The following WDR49 variants were observed in gnomAD, a reference collection of about 807,000 sequenced individuals.
WDR49 encodes the protein WD repeat domain 49.
A neutral mutation model predicts 119.5 loss-of-function variants in WDR49; 107 were observed. That is an observed-to-expected ratio of 0.90 (90% CI 0.77 to 1.05). WDR49 has a LOEUF of 1.05. WDR49 is among the 50% of genes least tolerant of loss of function. The probability of loss-of-function intolerance (pLI) is 0.00; values close to 1 mark genes in which losing one functional copy is unlikely to be tolerated. For missense variants in WDR49, 1,240 were observed against 1,220.5 expected (o/e 1.02, Z -0.24); for synonymous variants, 425 against 418.8 (o/e 1.01, Z -0.18).
chr3:167,569,693 A>G (rs957255355), intron 8 of WDR49, among the ~76,000 whole-genome samples: 1 of 151,990 alleles, frequency 6.6e-6, no homozygotes, highest in African/African-American at 2.4e-5. Context: ...AAAAAAAAAA[A>G]AAAATCAGAT....
At chr3:167,536,107 C>T (rs1560273961) in intron 11 of WDR49, among the ~76,000 whole-genome samples, 1 of 151,902 alleles carries the variant, frequency 6.6e-6, no homozygotes, top group Non-Finnish European at 1.5e-5. Context: ...AGAGATTGGT[C>T]AATGGGTAAA....
At chr3:167,511,041 A>G (rs550362214) in intron 16 of WDR49, among the ~76,000 whole-genome samples, 11 of 152,302 alleles carry the variant, frequency 7.2e-5, no homozygotes, top group African/African-American at 2.4e-4. Flanking sequence ...TTTCTTAAAA[A>G]TAAAATGATT....
At chr3:167,577,553 G>T (rs942842298) in intron 7 of WDR49, among the ~76,000 whole-genome samples, 1 of 151,780 alleles carries the variant, frequency 6.6e-6, no homozygotes, top group African/African-American at 2.4e-5. Flanking sequence ...TTTTAATGTA[G>T]TGTCTACCTC....
chr3:167,543,362 C>T (rs1272425038), intron 10 of WDR49, among the ~76,000 whole-genome samples: 1 of 151,838 alleles, frequency 6.6e-6, no homozygotes, highest in Non-Finnish European at 1.5e-5. Context: ...GACCAATGAC[C>T]CTGTTGAACA....
At chr3:167,641,946 A>G (rs1717903106) in intron 2 of WDR49, among the ~76,000 whole-genome samples, 1 of 150,814 alleles carries the variant, frequency 6.6e-6, no homozygotes, top group Admixed American at 6.6e-5. Context: ...TAAAAAAAAT[A>G]CACATAGACA....
intron 3 of WDR49, among the ~76,000 whole-genome samples, chr3:167,624,152 G>T (rs905319075): frequency 2.0e-5 from 3 of 151,924 alleles, no homozygotes; most frequent in Admixed American, 6.6e-5. Flanking sequence ...TTAGCTACTA[G>T]GTAAATATGA....
At chr3:167,656,257 G>A (rs756514410), upstream of WDR49, among the ~76,000 whole-genome samples, 1 of 152,178 alleles carries the variant, frequency 6.6e-6, no homozygotes, top group Non-Finnish European at 1.5e-5. Flanking sequence ...AATACTACAA[G>A]TTCCCCTAAG....
chr3:167,492,829 C>T (rs554489349), intron 18 of WDR49, among the ~76,000 whole-genome samples: 1 of 151,688 alleles, frequency 6.6e-6, no homozygotes, highest in South Asian at 2.1e-4. Flanking sequence ...CACCCCCACC[C>T]CAAAAGACAT....
intron 8 of WDR49, among the ~76,000 whole-genome samples, chr3:167,560,878 T>C (rs1205032529): frequency 2.0e-5 from 3 of 152,002 alleles, no homozygotes; most frequent in Non-Finnish European, 2.9e-5. Context: ...GAAAGGATTA[T>C]ACACAGCAGT....
At chr3:167,506,697 A>G (rs1262590696) in intron 16 of WDR49, among the ~76,000 whole-genome samples, 2 of 152,198 alleles carry the variant, frequency 1.3e-5, no homozygotes, top group East Asian at 1.9e-4. Context: ...GTACAGTACT[A>G]TTAACTGAAT....
At chr3:167,584,021 TA>T (rs1714685199) in intron 7 of WDR49, among the ~76,000 whole-genome samples, 1 of 152,120 alleles carries the variant, frequency 6.6e-6, no homozygotes, top group Non-Finnish European at 1.5e-5. Context: ...AGCAAGAATG[TA>T]AAATAATTAG....
chr3:167,638,607 A>G (rs1239065051), intron 2 of WDR49, among the ~76,000 whole-genome samples: 2 of 151,600 alleles, frequency 1.3e-5, no homozygotes, highest in Non-Finnish European at 3.0e-5. Flanking sequence ...TGCAAAACAG[A>G]TGCATCAGTT....
At chr3:167,583,568 G>A (rs1379418784) in intron 7 of WDR49, among the ~76,000 whole-genome samples, 1 of 152,050 alleles carries the variant, frequency 6.6e-6, no homozygotes, top group Non-Finnish European at 1.5e-5. Flanking sequence ...AATTTCTGTT[G>A]CCTTGCTGGG....
At chr3:167,558,711 C>T (rs139488964) in intron 9 of WDR49, among the ~76,000 whole-genome samples, 187 of 152,212 alleles carry the variant, frequency 1.2e-3, no homozygotes, top group Non-Finnish European at 2.4e-3. Context: ...TCCCCAGGTC[C>T]GACTAAGTCC....
chr3:167,575,524 A>G (rs984729155), intron 8 of WDR49, among the ~76,000 whole-genome samples: 4 of 152,220 alleles, frequency 2.6e-5, no homozygotes, highest in Admixed American at 6.5e-5. Flanking sequence ...GATCTCTGCT[A>G]ATTATGTTTC....
intron 9 of WDR49, among the ~76,000 whole-genome samples, chr3:167,555,117 A>T (rs1712847948): frequency 6.6e-6 from 1 of 152,156 alleles, no homozygotes; most frequent in Non-Finnish European, 1.5e-5. Context: ...CCAAGGCATA[A>T]TTAGAAGGTG....
rs139503318 is a variant in WDR49, at chr3:167,644,631, C to G, written c.165+8630G>C. ...TCCAGTTTGTAAGTGATATTACAAT[C>G]ATATTTTTGCATGTATTTTTTTCTG... On this transcript the variant is annotated intron_variant, in intron 2 of 18. Coordinates refer to ENST00000682715, the MANE Select transcript of WDR49 (RefSeq NM_001366157.1). Among the ~76,000 whole-genome samples, 348 of 152,150 alleles carry G rather than the reference C, an allele frequency of 2.3e-3. 1 individual carries two copies. The highest frequency in any genetic ancestry group is 7.8e-3 in the African/African-American group (325 of 41,526).
chr3:167,553,307 C>T (rs1002240220), intron 10 of WDR49, among the ~76,000 whole-genome samples: 2 of 152,028 alleles, frequency 1.3e-5, no homozygotes, highest in Non-Finnish European at 2.9e-5. Context: ...TTCCTACTCT[C>T]ATACCAGTTT....
chr3:167,621,355 T>C, intron 4 of WDR49, 112 bp downstream of exon 4: 1 of 1,108,468 alleles, frequency 9.0e-7, no homozygotes, highest in East Asian at 2.7e-5. Context: ...GTGCATGTAA[T>C]CCATAATGTA....
Sources: gnomAD v4.1 joint callset for allele counts (sites outside exome capture counted in the v4.1 genomes callset) on GRCh38, gnomAD v4.1.1 for gene constraint, MANE v1.5 for transcripts, NCBI Gene and HGNC (gene_info 2026-07-23, HGNC 2026-07-21) for gene names.